MBD2: variants seen among roughly 807,000 people sequenced by gnomAD.
The protein encoded by MBD2 is methyl-CpG binding domain protein 2.
MBD2 carries 9 observed loss-of-function variants against 39.3 expected under a neutral mutation model. That is an observed-to-expected ratio of 0.23 (90% CI 0.14 to 0.40). MBD2 has a LOEUF of 0.40. MBD2 is among the 10% of genes least tolerant of loss of function. MBD2 has a pLI of 1.00. For synonymous variants in MBD2, 233 were observed against 211.1 expected (o/e 1.10, Z -0.90); for missense variants, 458 against 532.6 (o/e 0.86, Z 1.38).
intron 1 of MBD2, among the ~76,000 whole-genome samples, chr18:54,206,830 A>T (rs1044296846): frequency 1.3e-5 from 2 of 152,162 alleles, no homozygotes; most frequent in Non-Finnish European, 2.9e-5. Context: ...CTCAACTCCA[A>T]CTCTAACCTA....
chr18:54,192,425 GT>G (rs1217009980), intron 2 of MBD2, among the ~76,000 whole-genome samples: 1 of 152,086 alleles, frequency 6.6e-6, no homozygotes, highest in Non-Finnish European at 1.5e-5. Flanking sequence ...TAGAGACAGG[GT>G]TTCACCATGT....
At chr18:54,216,490 A>C (rs1023214471) in intron 1 of MBD2, among the ~76,000 whole-genome samples, 12 of 152,242 alleles carry the variant, frequency 7.9e-5, no homozygotes, top group Non-Finnish European at 2.9e-5. Flanking sequence ...AATGAATCAG[A>C]CACAGCTCCT....
intron 3 of MBD2, among the ~76,000 whole-genome samples, chr18:54,187,471 G>C (rs891406401): frequency 6.6e-6 from 1 of 152,186 alleles, no homozygotes; most frequent in Non-Finnish European, 1.5e-5. Context: ...ATCTGAGAAA[G>C]AATACAACCA....
At chr18:54,209,211 T>C (rs373648339) in intron 1 of MBD2, among the ~76,000 whole-genome samples, 1 of 148,428 alleles carries the variant, frequency 6.7e-6, no homozygotes, top group Non-Finnish European at 1.5e-5. Context: ...GCAGTAGAAT[T>C]GCTTGAACCT....
At chr18:54,162,043 G>A (rs1437220994) in intron 5 of MBD2, among the ~76,000 whole-genome samples, 1 of 152,094 alleles carries the variant, frequency 6.6e-6, no homozygotes, top group African/African-American at 2.4e-5. Context: ...AAGAGAACAG[G>A]GGCCTTAGCC....
At chr18:54,188,257 G>A (rs2086297527) in intron 3 of MBD2, among the ~76,000 whole-genome samples, 1 of 152,102 alleles carries the variant, frequency 6.6e-6, no homozygotes, top group African/African-American at 2.4e-5. Flanking sequence ...CTCCCTCCCC[G>A]GGCTATATGG....
intron 2 of MBD2, among the ~76,000 whole-genome samples, chr18:54,194,121 T>C (rs1407798191): frequency 6.6e-6 from 1 of 152,040 alleles, no homozygotes; most frequent in African/African-American, 2.4e-5. Flanking sequence ...TTATGAGAAA[T>C]TTGAAAATAT....
chr18:54,164,603 A>T lies in MBD2; in HGVS notation c.1029T>A (p.Ala343=). The change falls in exon 5 of 7, where the codon GCT becomes GCA. Residue 343 remains alanine, a synonymous_variant. Coordinates refer to ENST00000256429, the MANE Select transcript of MBD2 (RefSeq NM_003927.5). ...GCCAAACAGCAGGGTTCTTTTCCAC[A>T]GCAGCGGAGACTTGCCCTGTGATTG... The part of the protein sequence containing the change: ...SAPITGQVSA[A]VEKNPAVWLN... 1 of 1,614,222 alleles carries T rather than the reference A, an allele frequency of 6.2e-7. No homozygotes were observed. The highest frequency in any genetic ancestry group is 1.7e-5 in the Admixed American group (1 of 60,026).
intron 2 of MBD2, among the ~76,000 whole-genome samples, chr18:54,190,411 G>A (rs773501382): frequency 6.6e-6 from 1 of 152,208 alleles, no homozygotes; most frequent in Non-Finnish European, 1.5e-5. Context: ...CCCAGCCTGA[G>A]TGAGCGTGAG....
intron 2 of MBD2, among the ~76,000 whole-genome samples, chr18:54,203,864 T>C (rs548673558): frequency 4.6e-5 from 7 of 152,184 alleles, no homozygotes; most frequent in African/African-American, 7.2e-5. Flanking sequence ...GGAATTAACA[T>C]AGGTCAAATT....
chr18:54,157,263 ATT>A (rs113156706), intron 6 of MBD2, among the ~76,000 whole-genome samples: 6 of 143,932 alleles, frequency 4.2e-5, no homozygotes, highest in Non-Finnish European at 3.1e-5. Flanking sequence ...GATTGAAATG[ATT>A]TTTTTTTTTT....
rs760961363 is a variant in MBD2 at position 54,205,031 on chromosome 18, CTGTT to C, written c.665_668del (p.Lys222ArgfsTer17). ...GATTGAGAGGATCGTTTCGCAGTCT[CTGTT>C]TGTTCTTCTGTAATTTACTAGGCAT... On this transcript the variant is annotated frameshift_variant, in exon 2 of 7. Transcript: ENST00000256429. LOFTEE classifies it high-confidence loss of function. The C allele has an allele frequency of 1.2e-6, 2 of 1,613,908 alleles. No homozygotes were observed. The highest frequency in any genetic ancestry group is 1.7e-5 in the Admixed American group (1 of 59,968).
chr18:54,166,199 A>G (rs2086130745), intron 3 of MBD2, 33 bp from the exon 4 acceptor site: 1 of 1,345,312 alleles, frequency 7.4e-7, no homozygotes, highest in East Asian at 2.3e-5. Flanking sequence ...TAATAGATAC[A>G]TTTTTGAAAC....
intron 1 of MBD2, among the ~76,000 whole-genome samples, chr18:54,205,802 AT>A (rs1049341258): frequency 9.2e-5 from 14 of 152,222 alleles, no homozygotes; most frequent in Non-Finnish European, 1.5e-4. Context: ...CATACTAAAA[AT>A]GTCTTCAATC....
chr18:54,179,191 A>G (rs1390564438), intron 3 of MBD2, among the ~76,000 whole-genome samples: 1 of 152,220 alleles, frequency 6.6e-6, no homozygotes, highest in African/African-American at 2.4e-5. Flanking sequence ...CCTTGTCTCA[A>G]AAACAAAGAA....
chr18:54,177,279 G>A (rs895462532), intron 3 of MBD2, among the ~76,000 whole-genome samples: 2 of 152,126 alleles, frequency 1.3e-5, no homozygotes, highest in Non-Finnish European at 2.9e-5. Flanking sequence ...TTATGAAGAT[G>A]GGGGCATGTT....
At chr18:54,221,572 C>T (rs1018494866) in intron 1 of MBD2, among the ~76,000 whole-genome samples, 7 of 151,802 alleles carry the variant, frequency 4.6e-5, no homozygotes, top group South Asian at 2.1e-4. Flanking sequence ...GTCAGGAGTT[C>T]GACACCAGCC....
chr18:54,167,357 A>C (rs902835545), intron 3 of MBD2, among the ~76,000 whole-genome samples: 1 of 152,250 alleles, frequency 6.6e-6, no homozygotes, highest in African/African-American at 2.4e-5. Flanking sequence ...ATCTCTAGAT[A>C]GACGACCTTG....
intron 4 of MBD2, 79 bp downstream of exon 4, chr18:54,165,997 G>A: frequency 1.0e-6 from 1 of 964,160 alleles, no homozygotes; most frequent in South Asian, 1.5e-5. Context: ...AGTCATTGCT[G>A]AATCCACAGC....
Sources: allele counts gnomAD v4.1 joint callset (sites outside exome capture counted in the v4.1 genomes callset), GRCh38; gene constraint gnomAD v4.1.1; transcripts MANE v1.5; gene names NCBI Gene and HGNC (gene_info 2026-07-23, HGNC 2026-07-21).